METTL15: variants seen among roughly 807,000 people sequenced by gnomAD.
The protein encoded by METTL15 is 12S rRNA N(4)-cytidine methyltransferase METTL15.
In METTL15, 34 loss-of-function variants were observed where a neutral mutation model predicts 38.3. The observed-to-expected ratio is 0.89, with a 90% CI of 0.68 to 1.18. METTL15 has a LOEUF of 1.18. Ranked by LOEUF, METTL15 falls within the 50% of genes most tolerant of loss-of-function variation. The pLI, the probability that METTL15 is intolerant of heterozygous loss-of-function variation, is 0.00. For synonymous variants in METTL15, 162 were observed against 170.9 expected (o/e 0.95, Z 0.41); for missense variants, 438 against 498.4 (o/e 0.88, Z 1.15).
intron 3 of METTL15, among the ~76,000 whole-genome samples, chr11:28,116,614 A>AAATT (rs1851971259): frequency 1.3e-5 from 2 of 152,214 alleles, no homozygotes; most frequent in Non-Finnish European, 2.9e-5. Flanking sequence ...AGCTATATGT[A>AAATT]TAAGGTGTAC....
chr11:28,260,243 G>A (rs758472929), intron 4 of METTL15, among the ~76,000 whole-genome samples: 5 of 152,100 alleles, frequency 3.3e-5, no homozygotes, highest in African/African-American at 9.7e-5. Flanking sequence ...TGCATAGAAC[G>A]TTCTTCCCTG....
intron 6 of METTL15, among the ~76,000 whole-genome samples, chr11:28,426,881 C>G (rs1850870440): frequency 6.6e-6 from 1 of 151,612 alleles, no homozygotes; most frequent in Non-Finnish European, 1.5e-5. Context: ...TTTTCTCATT[C>G]TGTAGGTTGA....
At chr11:28,429,075 C>T (rs1022971309) in intron 6 of METTL15, among the ~76,000 whole-genome samples, 5 of 152,168 alleles carry the variant, frequency 3.3e-5, no homozygotes, top group Non-Finnish European at 5.9e-5. Flanking sequence ...TAACCAAGCT[C>T]TGCTGGCCCA....
chr11:28,520,776 T>C (rs529280588), intron 6 of METTL15, among the ~76,000 whole-genome samples: 119 of 152,354 alleles, frequency 7.8e-4, no homozygotes, highest in African/African-American at 2.7e-3. Flanking sequence ...GGAAAATGAA[T>C]TTCAAAAGCT....
intron 3 of METTL15, chr11:28,163,560 T>C: frequency 2.5e-6 from 1 of 397,438 alleles, no homozygotes; most frequent in Non-Finnish European, 4.4e-6. Context: ...TCTGTGTGTG[T>C]GTGTGTGTTT....
At chr11:28,347,635 G>A (rs1456227781) in intron 3 of METTL15, among the ~76,000 whole-genome samples, 2 of 152,158 alleles carry the variant, frequency 1.3e-5, no homozygotes. Flanking sequence ...AAAATACAGA[G>A]GAAAGTGATC....
At chr11:28,120,046 A>T (rs2133603999) in intron 3 of METTL15, among the ~76,000 whole-genome samples, 1 of 152,046 alleles carries the variant, frequency 6.6e-6, no homozygotes, top group East Asian at 1.9e-4. Context: ...CTGCCTCTTG[A>T]GTTCACACCA....
chr11:28,519,803 A>G (rs1851749574), intron 6 of METTL15, among the ~76,000 whole-genome samples: 1 of 152,160 alleles, frequency 6.6e-6, no homozygotes, highest in East Asian at 1.9e-4. Flanking sequence ...ACACAATTCA[A>G]CCACCTTCTT....
At chr11:28,235,455 A>G (rs1853912097) in intron 4 of METTL15, among the ~76,000 whole-genome samples, 1 of 151,882 alleles carries the variant, frequency 6.6e-6, no homozygotes, top group Non-Finnish European at 1.5e-5. Context: ...ATGCTCTTCC[A>G]TTTGTTTGTA....
intron 6 of METTL15, among the ~76,000 whole-genome samples, chr11:28,525,833 C>T (rs113929635): frequency 1.2e-3 from 179 of 152,330 alleles, no homozygotes; most frequent in Middle Eastern, 0.01. Context: ...TGGGACTGGG[C>T]GCTGTGGAGC....
chr11:28,258,449 G>A (rs1457628791), intron 4 of METTL15, among the ~76,000 whole-genome samples: 1 of 152,038 alleles, frequency 6.6e-6, no homozygotes, highest in Non-Finnish European at 1.5e-5. Context: ...ACCCAGGCTT[G>A]TGTCCTTCTC....
chr11:28,127,732 C>T (rs747718137), intron 3 of METTL15, among the ~76,000 whole-genome samples: 1 of 151,848 alleles, frequency 6.6e-6, no homozygotes, highest in Non-Finnish European at 1.5e-5. Context: ...CACATAGAAC[C>T]AATTAATACT....
chr11:28,379,267 A>T (rs1258580716), intron 5 of METTL15, among the ~76,000 whole-genome samples: 1 of 151,722 alleles, frequency 6.6e-6, no homozygotes. Flanking sequence ...GGTTCAGTTC[A>T]TTTTTTATAT....
chr11:28,175,351 T>C (rs1851031598), intron 3 of METTL15, among the ~76,000 whole-genome samples: 1 of 152,224 alleles, frequency 6.6e-6, no homozygotes. Context: ...CTATCATTGT[T>C]GGACATTTGG....
At position 28,374,406 on chromosome 11, in the gene METTL15, T is replaced by C. The variant is rs1040254129; in HGVS notation, c.*358+12370T>C. Reference sequence around the variant, plus strand: ...ATCCCTTGTAAGTTGGTTTCCTAGGTATTTTATTCTCTTTGAAGCAATTGT... The same window carrying C: ...ATCCCTTGTAAGTTGGTTTCCTAGGCATTTTATTCTCTTTGAAGCAATTGT... On this transcript the variant is annotated intron_variant and NMD_transcript_variant, in intron 5 of 7. Coordinates refer to the METTL15 transcript ENST00000532947. 2.2e-3 allele frequency among the ~76,000 whole-genome samples: 334 copies of C among 151,958 alleles called. 1 individual carries two copies. Among genetic ancestry groups the C allele is most frequent in the Non-Finnish European group, 4.2e-3 (285 of 67,920 alleles).
intron 6 of METTL15, among the ~76,000 whole-genome samples, chr11:28,514,479 A>G (rs1475318310): frequency 6.6e-6 from 1 of 152,242 alleles, no homozygotes; most frequent in African/African-American, 2.4e-5. Context: ...TCTAAATTCC[A>G]TACTAGCTTT....
intron 5 of METTL15, among the ~76,000 whole-genome samples, chr11:28,293,739 T>C (rs968933405): frequency 2.0e-5 from 3 of 152,152 alleles, no homozygotes; most frequent in Non-Finnish European, 1.5e-5. Context: ...CATTGAGCAG[T>C]GGTTTGTAGT....
At chr11:28,441,409 TC>T (rs1243991734) in intron 6 of METTL15, among the ~76,000 whole-genome samples, 1 of 152,162 alleles carries the variant, frequency 6.6e-6, no homozygotes, top group Non-Finnish European at 1.5e-5. Context: ...GGAATATTCT[TC>T]CCAAAGTAAT....
intron 6 of METTL15, among the ~76,000 whole-genome samples, chr11:28,306,031 C>A (rs1170098799): frequency 1.3e-5 from 2 of 152,066 alleles, no homozygotes; most frequent in Admixed American, 1.3e-4. Flanking sequence ...ATTCCAAATT[C>A]CTGGAATTCC....
Sources: gnomAD v4.1 joint callset for allele counts (sites outside exome capture counted in the v4.1 genomes callset) on GRCh38, gnomAD v4.1.1 for gene constraint, MANE v1.5 for transcripts, NCBI Gene and HGNC (gene_info 2026-07-23, HGNC 2026-07-21) for gene names.